The following PTBP3 variants were observed in gnomAD, a reference collection of about 807,000 sequenced individuals.
PTBP3 encodes the protein polypyrimidine tract binding protein 3.
PTBP3 carries 20 observed loss-of-function variants against 58.7 expected under a neutral mutation model. That is an observed-to-expected ratio of 0.34 (90% CI 0.24 to 0.50). The LOEUF (loss-of-function observed/expected upper bound fraction) is 0.50. PTBP3 is among the 20% of genes least tolerant of loss of function. PTBP3 has a pLI of 0.98. For missense variants in PTBP3, 509 were observed against 637.2 expected (o/e 0.80, Z 2.17); for synonymous variants, 185 against 219.8 (o/e 0.84, Z 1.40).
At chr9:112,333,365 G>A (rs1021128153) in intron 1 of PTBP3, 105 bp downstream of exon 1, 9 of 1,275,586 alleles carry the variant, frequency 7.1e-6, no homozygotes, top group Admixed American at 8.2e-5. Flanking sequence ...TCCTCCGGCC[G>A]CCGGCGCCGC....
chr9:112,374,631 A>C, the PTBP3 span, among the ~76,000 whole-genome samples: 1 of 152,222 alleles, frequency 6.6e-6, no homozygotes, highest in Non-Finnish European at 1.5e-5. Context: ...GAACATGGTA[A>C]GACCAGTGAA....
In PTBP3 at chr9:112,220,139, A is replaced by C; in HGVS notation, c.*3712T>G. The C allele has an allele frequency of 7.7e-7, 1 of 1,298,328 alleles. No homozygotes were observed. The highest frequency in any genetic ancestry group is 1.0e-6 in the Non-Finnish European group (1 of 993,636). The allele number at this position is 1,298,328 out of a possible 1,614,324, so 80.4% of individuals were successfully genotyped here. A position where few individuals can be genotyped will look rare whatever the true frequency, so the allele number is the denominator to read the frequency against. On this transcript the variant is annotated 3_prime_UTR_variant, in exon 14 of 14. Transcript: ENST00000374257. ...ATAGCAGTACACATTAGGTTTTCTA[A>C]GGGATAGGTGGGGAAAAACACATGT...
At position 112,329,845 on chromosome 9, in the gene PTBP3, C is replaced by CTTTT. The variant is rs10660630; in HGVS notation, c.-52+3621_-52+3624dup. ...AAGATAAATCAGAGCCTAGGCTACACTTTTTTTTTTTTTTTTCTGAGACAG... is the reference window on the plus strand; with the variant it reads ...AAGATAAATCAGAGCCTAGGCTACACTTTTTTTTTTTTTTTTTTTTCTGAGACAG... On this transcript the variant is annotated intron_variant, in intron 1 of 13. Coordinates refer to ENST00000374257, the MANE Select transcript of PTBP3 (RefSeq NM_001163788.4). 1.7e-4 allele frequency among the ~76,000 whole-genome samples: 22 copies of CTTTT among 131,960 alleles called. 4 individuals carry two copies. The highest frequency in any genetic ancestry group is 2.2e-4 in the Non-Finnish European group (14 of 64,026). 86.6% of individuals were successfully genotyped at this position (131,960 alleles called of 152,430 possible).
At chr9:112,285,111 C>CA (rs1828053853) in intron 2 of PTBP3, among the ~76,000 whole-genome samples, 1 of 152,192 alleles carries the variant, frequency 6.6e-6, no homozygotes, top group East Asian at 1.9e-4. Flanking sequence ...TTGTAATCAT[C>CA]ATGATTCCCA....
At chr9:112,307,268 C>A (rs372466402) in intron 1 of PTBP3, among the ~76,000 whole-genome samples, 3 of 152,208 alleles carry the variant, frequency 2.0e-5, no homozygotes, top group East Asian at 3.9e-4. Context: ...GCCTGGGCAA[C>A]AGAATGAGAT....
chr9:112,354,155 G>A, the PTBP3 span, among the ~76,000 whole-genome samples: 1 of 152,110 alleles, frequency 6.6e-6, no homozygotes. Context: ...TCAACAAGGA[G>A]CCAGATAGAT....
At chr9:112,248,739 T>C (rs1835984668) in intron 7 of PTBP3, among the ~76,000 whole-genome samples, 1 of 152,176 alleles carries the variant, frequency 6.6e-6, no homozygotes, top group Non-Finnish European at 1.5e-5. Flanking sequence ...GTAATGAAAC[T>C]GAAGAAATAT....
At chr9:112,375,680 G>A in the PTBP3 span, among the ~76,000 whole-genome samples, 1 of 152,108 alleles carries the variant, frequency 6.6e-6, no homozygotes, top group Non-Finnish European at 1.5e-5. Context: ...TTCCTCAGGT[G>A]CCTTCAGGAC....
the PTBP3 span, among the ~76,000 whole-genome samples, chr9:112,348,225 G>A: frequency 2.0e-5 from 3 of 152,202 alleles, no homozygotes; most frequent in African/African-American, 7.2e-5. Flanking sequence ...AATGTCGGGC[G>A]GCCATCAGAT....
At chr9:112,259,415 T>C (rs1306957314) in intron 5 of PTBP3, among the ~76,000 whole-genome samples, 1 of 152,226 alleles carries the variant, frequency 6.6e-6, no homozygotes, top group Non-Finnish European at 1.5e-5. Context: ...GCATAGGGCT[T>C]TCTTACTCTC....
intron 3 of PTBP3, 140 bp downstream of exon 3, chr9:112,275,704 A>C (rs1032571997): frequency 4.4e-5 from 32 of 725,718 alleles, no homozygotes; most frequent in African/African-American, 3.5e-4. Flanking sequence ...ACACCCCCCC[A>C]AAAAAATCTA....
chr9:112,232,021 A>AAGAG (rs1564391863), intron 9 of PTBP3, 78 bp downstream of exon 9: 9 of 302,392 alleles, frequency 3.0e-5, no homozygotes, highest in East Asian at 2.1e-4. Flanking sequence ...GAAGAGAAGA[A>AAGAG]AAGAAAAGAA....
intron 2 of PTBP3, among the ~76,000 whole-genome samples, chr9:112,290,733 C>CACACAT (rs1398814034): frequency 6.7e-6 from 1 of 148,572 alleles, no homozygotes; most frequent in Non-Finnish European, 1.5e-5. Flanking sequence ...CACACACACA[C>CACACAT]ACACAATCAA....
chr9:112,363,813 G>T, the PTBP3 span, among the ~76,000 whole-genome samples: 2 of 151,984 alleles, frequency 1.3e-5, no homozygotes, highest in Non-Finnish European at 2.9e-5. Context: ...CAGTTGGTAT[G>T]GTAAATTTGA....
intron 7 of PTBP3, among the ~76,000 whole-genome samples, chr9:112,237,266 C>G (rs1176430408): frequency 6.6e-6 from 1 of 152,054 alleles, no homozygotes; most frequent in Non-Finnish European, 1.5e-5. Flanking sequence ...TGAGCAGAAA[C>G]AGAAACATCA....
chr9:112,280,987 A>G (rs1827837905), intron 2 of PTBP3: 1 of 152,088 alleles, frequency 6.6e-6, no homozygotes, highest in Admixed American at 6.5e-5. Flanking sequence ...TTCAGTCTAT[A>G]TACTTTCCAA....
At chr9:112,355,621 C>CTTTTTTT in the PTBP3 span, among the ~76,000 whole-genome samples, 91 of 127,800 alleles carry the variant, frequency 7.1e-4, no homozygotes, top group African/African-American at 1.2e-3. Flanking sequence ...AACTCTTTTT[C>CTTTTTTT]TTTTTTTTTT....
chr9:112,320,312 ATATT>A (rs1298223115), intron 1 of PTBP3, among the ~76,000 whole-genome samples: 1 of 47,624 alleles, frequency 2.1e-5, no homozygotes, highest in East Asian at 3.7e-4. Context: ...ATATATATAT[ATATT>A]TTTTTTTAAG....
intron 1 of PTBP3, chr9:112,333,094 GCCGCGCA>G (rs1830445537): frequency 4.3e-5 from 54 of 1,265,750 alleles, no homozygotes; most frequent in Non-Finnish European, 5.3e-5. Context: ...CTCCCCCAGC[GCCGCGCA>G]CCATTTTCTG....
Sources: gnomAD v4.1 joint callset for allele counts (sites outside exome capture counted in the v4.1 genomes callset) on GRCh38, gnomAD v4.1.1 for gene constraint, MANE v1.5 for transcripts, NCBI Gene and HGNC (gene_info 2026-07-23, HGNC 2026-07-21) for gene names.